PDE4D: variants seen among roughly 807,000 people sequenced by gnomAD.
PDE4D encodes the protein 3',5'-cyclic-AMP phosphodiesterase 4D.
In PDE4D, 24 loss-of-function variants were observed where a neutral mutation model predicts 87.4. The observed-to-expected ratio is 0.27, with a 90% CI of 0.20 to 0.39. The LOEUF is 0.39. Among genes scored for constraint, PDE4D ranks in the 10% least tolerant of loss-of-function variants. PDE4D has a pLI of 1.00. For missense variants in PDE4D, 714 were observed against 1,041.0 expected (o/e 0.69, Z 4.32); for synonymous variants, 384 against 383.2 (o/e 1.00, Z -0.02).
At chr5:59,267,886 G>A (rs138859211) in intron 1 of PDE4D, among the ~76,000 whole-genome samples, 118 of 152,106 alleles carry the variant, frequency 7.8e-4, no homozygotes, top group Non-Finnish European at 1.4e-3. Context: ...GGGCTTGCAG[G>A]TGACCCCCTT....
intron 11 of PDE4D, among the ~76,000 whole-genome samples, chr5:58,987,300 T>A (rs1286744121): frequency 6.6e-6 from 1 of 152,212 alleles, no homozygotes; most frequent in Non-Finnish European, 1.5e-5. Flanking sequence ...TGAAATGTTA[T>A]CCTGTCTAAT....
intron 5 of PDE4D, among the ~76,000 whole-genome samples, chr5:59,060,536 T>G (rs879806848): frequency 6.6e-6 from 1 of 152,136 alleles, no homozygotes; most frequent in Admixed American, 6.6e-5. Flanking sequence ...TCTATAAAAA[T>G]TTTTTAAATT....
At chr5:60,520,467 T>C (rs975013292) in intron 1 of PDE4D, among the ~76,000 whole-genome samples, 2 of 152,236 alleles carry the variant, frequency 1.3e-5, no homozygotes, top group African/African-American at 4.8e-5. Context: ...AGACTTCTGT[T>C]GGCCATGCCT....
intron 1 of PDE4D, among the ~76,000 whole-genome samples, chr5:59,524,247 G>A (rs1377997749): frequency 1.3e-5 from 2 of 152,180 alleles, no homozygotes; most frequent in Non-Finnish European, 2.9e-5. Flanking sequence ...AGAAAGATGT[G>A]GGAAAGTTTG....
At chr5:59,706,598 C>T (rs1339021226) in intron 1 of PDE4D, among the ~76,000 whole-genome samples, 1 of 152,140 alleles carries the variant, frequency 6.6e-6, no homozygotes, top group Admixed American at 6.6e-5. Flanking sequence ...ATGTGCTCTA[C>T]AGAGGTTTCA....
At position 59,054,592 on chromosome 5, in the gene PDE4D, A is replaced by G. The variant is rs1762065538; in HGVS notation, c.809-15621T>C. ...CATTTCAGTATAAATTAAACCAATA[A>G]AAAGAATTATATATATAAAATAAAA... On this transcript the variant is annotated intron_variant, in intron 5 of 14. Transcript: ENST00000340635. Among the ~76,000 whole-genome samples, 6 of 151,982 alleles carry G rather than the reference A, an allele frequency of 3.9e-5. No individual in the cohort carries two copies. The South Asian group carries it at 1.2e-3, about 32-fold the overall frequency.
intron 1 of PDE4D, among the ~76,000 whole-genome samples, chr5:59,368,217 C>A (rs1488164390): frequency 1.3e-5 from 2 of 152,186 alleles, no homozygotes; most frequent in African/African-American, 4.8e-5. Context: ...TTAAAAAGAA[C>A]TTCCTAAAAT....
rs1583947598 is a variant in PDE4D at position 60,502,362 on chromosome 5, A to G, written n.70+19689T>C. ...GCTCTGTTCTGTTCCATTGATCTAT[A>G]TCTCTGTTTTGGTAGCAGTACCATG... On this transcript the variant is annotated intron_variant and non_coding_transcript_variant, in intron 1 of 2. Transcript: ENST00000506510. Among the ~76,000 whole-genome samples the G allele has an allele frequency of 2.0e-5, 3 of 151,150 alleles. No homozygotes were observed. In the East Asian group the frequency reaches 5.8e-4, roughly 29 times the overall value.
At chr5:59,914,866 G>GGT (rs3062699) in intron 3 of PDE4D, among the ~76,000 whole-genome samples, 10,830 of 122,314 alleles carry the variant, frequency 0.089, 508 homozygotes, top group Non-Finnish European at 0.097. Context: ...TACTGATAGG[G>GGT]GTGTGTGTGT....
intron 1 of PDE4D, among the ~76,000 whole-genome samples, chr5:59,440,913 C>T (rs1582618465): frequency 1.3e-5 from 2 of 152,174 alleles, no homozygotes; most frequent in African/African-American, 4.8e-5. Context: ...AGGAGCCCTG[C>T]TTCATGGTAT....
At chr5:60,520,363 G>A (rs1750982500) in intron 1 of PDE4D, among the ~76,000 whole-genome samples, 1 of 152,204 alleles carries the variant, frequency 6.6e-6, no homozygotes, top group Non-Finnish European at 1.5e-5. Flanking sequence ...ATTCAAGCCA[G>A]AGTCGGATTT....
intron 3 of PDE4D, among the ~76,000 whole-genome samples, chr5:59,971,529 A>G (rs1272542467): frequency 6.6e-6 from 1 of 152,238 alleles, no homozygotes; most frequent in Non-Finnish European, 1.5e-5. Context: ...TTGTAGTGCA[A>G]ACCACTCTCA....
chr5:59,657,108 G>T (rs2150266176), intron 1 of PDE4D, among the ~76,000 whole-genome samples: 1 of 152,140 alleles, frequency 6.6e-6, no homozygotes, highest in East Asian at 1.9e-4. Context: ...TATATACTTG[G>T]AAATGTAATT....
chr5:59,843,403 CA>C (rs754886754), intron 1 of PDE4D, among the ~76,000 whole-genome samples: 6 of 149,982 alleles, frequency 4.0e-5, no homozygotes, highest in Admixed American at 6.7e-5. Flanking sequence ...ATTGCAGAGC[CA>C]AAAAAAAATC....
intron 3 of PDE4D, among the ~76,000 whole-genome samples, chr5:59,916,157 A>G (rs1471553082): frequency 6.6e-6 from 1 of 152,244 alleles, no homozygotes; most frequent in African/African-American, 2.4e-5. Flanking sequence ...TGAAGGAGAA[A>G]AGGACAATGG....
chr5:59,353,645 G>T (rs1780884621), intron 1 of PDE4D, among the ~76,000 whole-genome samples: 1 of 151,760 alleles, frequency 6.6e-6, no homozygotes, highest in African/African-American at 2.4e-5. Flanking sequence ...CAGAGAAAAA[G>T]TACCTTCCTT....
intron 2 of PDE4D, among the ~76,000 whole-genome samples, chr5:59,202,333 C>T (rs1244149542): frequency 1.3e-5 from 2 of 151,930 alleles, no homozygotes; most frequent in African/African-American, 4.8e-5. Flanking sequence ...ATCCACAGCG[C>T]CTCGCCCGTT....
intron 5 of PDE4D, among the ~76,000 whole-genome samples, chr5:59,058,238 G>A (rs1180356578): frequency 6.6e-6 from 1 of 152,140 alleles, no homozygotes; most frequent in Non-Finnish European, 1.5e-5. Flanking sequence ...TGGACTGTTA[G>A]AGGAATATGA....
intron 3 of PDE4D, among the ~76,000 whole-genome samples, chr5:59,984,246 A>AACAG (rs1554128051): frequency 6.6e-6 from 1 of 151,680 alleles, no homozygotes; most frequent in Non-Finnish European, 1.5e-5. Flanking sequence ...TATGAAAGGT[A>AACAG]ATAGAAAATT....
Sources: allele counts gnomAD v4.1 joint callset (sites outside exome capture counted in the v4.1 genomes callset), GRCh38; gene constraint gnomAD v4.1.1; transcripts MANE v1.5; gene names NCBI Gene and HGNC (gene_info 2026-07-23, HGNC 2026-07-21).